Variants in FAM161B observed in about 807,000 individuals in gnomAD.
The protein encoded by FAM161B is protein FAM161B.
FAM161B carries 46 observed loss-of-function variants against 61.5 expected under a neutral mutation model. The ratio of observed to expected loss-of-function variants is 0.75; its 90% CI spans 0.59 to 0.96. The LOEUF is 0.96. Among genes scored for constraint, FAM161B ranks in the 40% least tolerant of loss-of-function variants. FAM161B has a pLI of 0.00. For synonymous variants in FAM161B, 284 were observed against 302.7 expected (o/e 0.94, Z 0.64); for missense variants, 774 against 800.7 (o/e 0.97, Z 0.40).
In FAM161B at chr14:73,932,904, A is replaced by G. The variant is rs1410924771; in HGVS notation, c.*1352T>C. The G allele has an allele frequency of 1.3e-5, 2 of 157,216 alleles. No homozygotes were observed. The highest frequency in any genetic ancestry group is 2.8e-5 in the Non-Finnish European group (2 of 71,140). 9.7% of individuals were successfully genotyped at this position (157,216 alleles called of 1,614,324 possible). ...CCCTCAAAGTGCTGGGATTACAAGC[A>G]TGAACCACTGCACCGAGCCAGAATA... is the stretch of plus-strand genomic sequence containing the variant. On this transcript the variant is annotated 3_prime_UTR_variant, in exon 9 of 9. Coordinates refer to ENST00000286544, the MANE Select transcript of FAM161B (RefSeq NM_152445.3).
intron 8 of FAM161B, among the ~76,000 whole-genome samples, chr14:73,935,061 CA>C (rs201792571): frequency 6.4e-5 from 6 of 94,172 alleles, no homozygotes; most frequent in East Asian, 3.4e-4. Flanking sequence ...GACTCCGTCT[CA>C]AAAAAAAAAG....
In FAM161B at chr14:73,950,078, G is replaced by A. The variant is rs1465215937; in HGVS notation, c.-52C>T. 2 of 1,606,504 alleles carry A rather than the reference G, an allele frequency of 1.2e-6. No homozygotes were observed. The highest frequency in any genetic ancestry group is 1.7e-5 in the Admixed American group (1 of 59,978). On this transcript the variant is annotated 5_prime_UTR_variant, in exon 1 of 9. Coordinates refer to ENST00000286544, the MANE Select transcript of FAM161B (RefSeq NM_152445.3). ...AGTGACAGCGATAGTGGCAGCAGCGGTGGCAGCGAGAGCTATGCGGGGCCA... is the reference window on the plus strand; with the variant it reads ...AGTGACAGCGATAGTGGCAGCAGCGATGGCAGCGAGAGCTATGCGGGGCCA...
chr14:73,931,806 A>G (rs2055920323), downstream of FAM161B: 3 of 482,902 alleles, frequency 6.2e-6, no homozygotes, highest in African/African-American at 5.9e-5. Context: ...AATTTCTGGG[A>G]TAGACCAAAA....
At position 73,935,930 on chromosome 14, in the gene FAM161B, C is replaced by T. The variant is rs2055967615; in HGVS notation, c.1805+19G>A. 1 of 1,600,598 alleles carries T rather than the reference C, an allele frequency of 6.2e-7. No individual in the cohort carries two copies. Among genetic ancestry groups the T allele is most frequent in the Non-Finnish European group, 8.5e-7 (1 of 1,171,018 alleles). ...GACAATTTAGAGAGCTGCAGAATGA[C>T]AGCAACATTTCAGGTTACCTGGGAA... On this transcript the variant is annotated intron_variant, in intron 8 of 8. Transcript: ENST00000286544.
chr14:73,934,120 C>A lies in FAM161B; in HGVS notation c.*136G>T. 2 of 1,056,992 alleles carry A rather than the reference C, an allele frequency of 1.9e-6. No homozygotes were observed. Among genetic ancestry groups the A allele is most frequent in the Non-Finnish European group, 2.7e-6 (2 of 750,272 alleles). 65.5% of individuals were successfully genotyped at this position (1,056,992 alleles called of 1,614,324 possible). On this transcript the variant is annotated 3_prime_UTR_variant, in exon 9 of 9. Transcript: ENST00000286544. ...TACAGGCGTGAGCCACTGCGCCTGG[C>A]CTGTTAATCTGCTACTCTTCATTTG... is the stretch of plus-strand genomic sequence containing the variant.
intron 8 of FAM161B, among the ~76,000 whole-genome samples, chr14:73,935,497 C>G (rs1832810734): frequency 1.3e-5 from 2 of 151,102 alleles, no homozygotes; most frequent in Admixed American, 1.3e-4. Flanking sequence ...CCACTGCACT[C>G]CAGCCTGGGC....
chr14:73,933,893 C>G lies in FAM161B; in HGVS notation c.*363G>C, dbSNP rs2055948058. On this transcript the variant is annotated 3_prime_UTR_variant, in exon 9 of 9. Coordinates refer to ENST00000286544, the MANE Select transcript of FAM161B (RefSeq NM_152445.3). ...CTGGAGTGCTGTGGAGTGATCTCAG[C>G]TCATTACAACCTCTGCCTCTTGGGT... The G allele has an allele frequency of 5.4e-6, 1 of 184,470 alleles. No homozygotes were observed. The highest frequency in any genetic ancestry group is 1.1e-5 in the Non-Finnish European group (1 of 88,878). 11.4% of individuals were successfully genotyped at this position (184,470 alleles called of 1,614,324 possible).
intron 5 of FAM161B, 29 bp downstream of exon 5, chr14:73,940,897 C>A (rs2056011878): frequency 6.3e-7 from 1 of 1,586,766 alleles, no homozygotes; most frequent in African/African-American, 1.4e-5. Context: ...AGAATCAGAG[C>A]ATGGGTCTCG....
At chr14:73,934,850 C>T (rs566205392) in intron 8 of FAM161B, among the ~76,000 whole-genome samples, 14 of 152,130 alleles carry the variant, frequency 9.2e-5, no homozygotes, top group Non-Finnish European at 1.9e-4. Context: ...AGATCAAGAC[C>T]ATCCTGGCCA....
intron 5 of FAM161B, 27 bp downstream of exon 5, chr14:73,940,899 T>A: frequency 1.9e-6 from 3 of 1,587,544 alleles, no homozygotes; most frequent in Middle Eastern, 1.7e-4. Flanking sequence ...AATCAGAGCA[T>A]GGGTCTCGTG....
chr14:73,925,967 G>A, the FAM161B span, among the ~76,000 whole-genome samples: 1 of 152,212 alleles, frequency 6.6e-6, no homozygotes, highest in Non-Finnish European at 1.5e-5. Flanking sequence ...CTGGGAGGTT[G>A]AGGCTACAGT....
At position 73,946,450 on chromosome 14, in the gene FAM161B, G is replaced by A. The variant is rs756100444; in HGVS notation, c.210C>T (p.Asn70=). 1.9e-6 allele frequency: 3 copies of A among 1,614,186 alleles called. No homozygotes were observed. The highest frequency in any genetic ancestry group is 1.1e-5 in the South Asian group (1 of 91,086). Reference sequence around the variant, plus strand: ...TCCCTTTCTGCTTCAGTTCCTGTAAGTTCTGGTAAATGCTCCCAGTTGAGT... The same window carrying A: ...TCCCTTTCTGCTTCAGTTCCTGTAAATTCTGGTAAATGCTCCCAGTTGAGT... ...TSDSTGSIYQ[N]LQELKQKGRW... The change falls in exon 2 of 9, where the codon AAC becomes AAT. Residue 70 remains asparagine (N), a synonymous_variant. Coordinates refer to ENST00000286544, the MANE Select transcript of FAM161B (RefSeq NM_152445.3).
intron 1 of FAM161B, 115 bp from the exon 2 acceptor site, chr14:73,946,720 G>C: frequency 1.9e-6 from 2 of 1,055,306 alleles, no homozygotes; most frequent in Non-Finnish European, 2.7e-6. Flanking sequence ...GGAGAATTTG[G>C]GGTCTGCCAG....
intron 8 of FAM161B, among the ~76,000 whole-genome samples, chr14:73,934,616 T>TG (rs1324716942): frequency 6.6e-6 from 1 of 151,838 alleles, no homozygotes; most frequent in African/African-American, 2.4e-5. Flanking sequence ...TTTTTTTTTT[T>TG]TTTAACTTTT....
At chr14:73,941,411 C>T (rs563192444) in intron 4 of FAM161B, among the ~76,000 whole-genome samples, 3 of 151,984 alleles carry the variant, frequency 2.0e-5, no homozygotes, top group Non-Finnish European at 2.9e-5. Context: ...TGTGAACTAC[C>T]GCGCCCAGCC....
At chr14:73,946,230 G>T (rs748472766) in intron 2 of FAM161B, 56 bp downstream of exon 2, 3 of 1,525,402 alleles carry the variant, frequency 2.0e-6, no homozygotes, top group Non-Finnish European at 2.7e-6. Flanking sequence ...CCAGAGACAC[G>T]ATGTGACCTG....
chr14:73,929,179 TCTC>T (rs1356014691), downstream of FAM161B, among the ~76,000 whole-genome samples: 2 of 152,214 alleles, frequency 1.3e-5, no homozygotes, highest in Admixed American at 6.5e-5. Context: ...TTAGCATTAT[TCTC>T]CTCCTCGTAT....
chr14:73,931,498 TAC>T (rs1229984643), downstream of FAM161B: 5 of 1,606,656 alleles, frequency 3.1e-6, no homozygotes, highest in Non-Finnish European at 2.5e-6. Context: ...TTCAATCTTT[TAC>T]AGTTACTAAA....
downstream of FAM161B, chr14:73,931,362 G>A (rs8004396): frequency 3.0e-6 from 2 of 663,402 alleles, no homozygotes; most frequent in Admixed American, 2.7e-5. Flanking sequence ...GTCCGTGCAT[G>A]TGTTTGCTTT....
Sources: allele counts gnomAD v4.1 joint callset (sites outside exome capture counted in the v4.1 genomes callset), GRCh38; gene constraint gnomAD v4.1.1; transcripts MANE v1.5; gene names NCBI Gene and HGNC (gene_info 2026-07-23, HGNC 2026-07-21).